The following PPP1R42 variants were observed in gnomAD, a reference collection of about 807,000 sequenced individuals.
PPP1R42 encodes the protein protein phosphatase 1 regulatory subunit 42.
A neutral mutation model predicts 31.0 loss-of-function variants in PPP1R42; 34 were observed. The ratio of observed to expected loss-of-function variants is 1.10; its 90% CI spans 0.83 to 1.46. The LOEUF (loss-of-function observed/expected upper bound fraction) is 1.46. Among genes scored for constraint, PPP1R42 ranks in the 40% most tolerant of loss-of-function variants. The probability of loss-of-function intolerance (pLI) is 0.00; values close to 1 mark genes in which losing one functional copy is unlikely to be tolerated. For missense variants in PPP1R42, 268 were observed against 303.0 expected (o/e 0.88, Z 0.86); for synonymous variants, 103 against 109.8 (o/e 0.94, Z 0.39).
At chr8:67,026,429 ATTTG>A (rs1228170033) in intron 1 of PPP1R42, among the ~76,000 whole-genome samples, 2 of 152,162 alleles carry the variant, frequency 1.3e-5, no homozygotes, top group Non-Finnish European at 2.9e-5. Flanking sequence ...CTGTAAAAAC[ATTTG>A]TTTGTACAGC....
intron 5 of PPP1R42, among the ~76,000 whole-genome samples, chr8:66,994,098 G>A (rs572151649): frequency 5.4e-4 from 82 of 152,310 alleles, no homozygotes; most frequent in Non-Finnish European, 5.7e-4. Context: ...AGGAATAGCA[G>A]AGATGAAGGC....
intron 5 of PPP1R42, among the ~76,000 whole-genome samples, chr8:67,008,148 C>T (rs936895973): frequency 6.6e-6 from 1 of 151,886 alleles, no homozygotes; most frequent in East Asian, 1.9e-4. Context: ...TGTGAGCCAC[C>T]GCGCCCAGCC....
chr8:66,995,886 C>T (rs1421263145), intron 5 of PPP1R42, among the ~76,000 whole-genome samples: 1 of 152,108 alleles, frequency 6.6e-6, no homozygotes, highest in African/African-American at 2.4e-5. Flanking sequence ...ATAACAATGG[C>T]TATTTTTGAT....
chr8:67,026,910 T>C (rs2129537325), intron 1 of PPP1R42: 1 of 151,544 alleles, frequency 6.6e-6, no homozygotes, highest in African/African-American at 2.4e-5. Flanking sequence ...TTTTTTTTTT[T>C]TTTTTCCTGA....
chr8:66,997,714 T>A lies in PPP1R42; in HGVS notation c.553-9197A>T, dbSNP rs1322962456. On this transcript the variant is annotated intron_variant, in intron 5 of 7. Transcript: ENST00000685739. ...GGCCACCATTCCCAGCTAATTTTTT[T>A]TAAAAAAAAAAACACCTTTTAGAGG... Among the ~76,000 whole-genome samples, 16 of 151,308 alleles carry A rather than the reference T, an allele frequency of 1.1e-4. 1 individual carries two copies. Among genetic ancestry groups the A allele is most frequent in the Admixed American group, 3.9e-4 (6 of 15,190 alleles).
At chr8:67,017,266 CAGAAGTCTGAGCTCA>C (rs1032382290) in intron 2 of PPP1R42, among the ~76,000 whole-genome samples, 6 of 152,038 alleles carry the variant, frequency 3.9e-5, no homozygotes, top group Non-Finnish European at 8.8e-5. Context: ...TTCTTGAGCT[CAGAAGTCTGAGCTCA>C]AGAACTCAAC....
intron 7 of PPP1R42, among the ~76,000 whole-genome samples, chr8:66,979,321 C>T (rs181778355): frequency 3.9e-5 from 6 of 152,102 alleles, no homozygotes; most frequent in South Asian, 4.1e-4. Context: ...TAGCTTGAGC[C>T]GAGGATTTCA....
intron 5 of PPP1R42, among the ~76,000 whole-genome samples, chr8:66,997,532 C>G (rs1175304193): frequency 3.4e-5 from 5 of 148,678 alleles, no homozygotes; most frequent in African/African-American, 5.0e-5. Flanking sequence ...ATGTGAGCCA[C>G]TGTGCCTGGC....
intron 1 of PPP1R42, among the ~76,000 whole-genome samples, chr8:67,019,125 T>G (rs1235840182): frequency 1.4e-5 from 2 of 144,278 alleles, no homozygotes; most frequent in Non-Finnish European, 3.1e-5. Flanking sequence ...CATGAGCCAC[T>G]GCGCCCGAGC....
At position 67,017,647 on chromosome 8, in the gene PPP1R42, T is replaced by A; in HGVS notation, c.101A>T (p.Asn34Ile). Reference sequence around the variant, plus strand: ...TGCATCTATATTTTTGTCTGAAAAATTTATATGAGTTATTTTCTTCAGGCA... The same window carrying A: ...TGCATCTATATTTTTGTCTGAAAAAATTATATGAGTTATTTTCTTCAGGCA... ...SQCLKKITHI[N>I]FSDKNIDAIE... The change falls in exon 2 of 8, where the codon AAT becomes ATT. Residue 34 changes from asparagine to isoleucine, a missense_variant. Asn to Ile is a moderately radical substitution (Grantham distance 149, BLOSUM62 -3). Transcript: ENST00000685739. 6.4e-7 allele frequency: 1 copy of A among 1,568,070 alleles called. No homozygotes were observed.
At chr8:67,010,918 A>C in intron 4 of PPP1R42, 87 bp from the exon 5 acceptor site, 1 of 1,273,890 alleles carries the variant, frequency 7.8e-7, no homozygotes, top group Non-Finnish European at 1.1e-6. Context: ...GAAAAGTTTA[A>C]GCTTGATCAG....
intron 7 of PPP1R42, among the ~76,000 whole-genome samples, chr8:66,979,272 A>G (rs1460003161): frequency 6.6e-6 from 1 of 152,104 alleles, no homozygotes; most frequent in Non-Finnish European, 1.5e-5. Context: ...CTGCATATGG[A>G]TATCCAGTTT....
intron 1 of PPP1R42, among the ~76,000 whole-genome samples, chr8:67,020,370 T>G (rs1816176892): frequency 6.6e-6 from 1 of 152,092 alleles, no homozygotes; most frequent in Non-Finnish European, 1.5e-5. Context: ...CCGGCTAATT[T>G]TTGTATTTTT....
At chr8:66,977,044 T>C (rs1315349734) in intron 7 of PPP1R42, among the ~76,000 whole-genome samples, 1 of 151,832 alleles carries the variant, frequency 6.6e-6, no homozygotes, top group African/African-American at 2.4e-5. Flanking sequence ...TTGCTTTTTT[T>C]TTTTTTTTAG....
At chr8:67,022,868 T>G (rs1206022811) in intron 1 of PPP1R42, among the ~76,000 whole-genome samples, 2 of 152,170 alleles carry the variant, frequency 1.3e-5, no homozygotes, top group African/African-American at 4.8e-5. Context: ...TGGGTTATTC[T>G]TGGTCCTTGA....
At chr8:66,994,604 A>G (rs1563422397) in intron 5 of PPP1R42, among the ~76,000 whole-genome samples, 1 of 152,208 alleles carries the variant, frequency 6.6e-6, no homozygotes, top group Non-Finnish European at 1.5e-5. Context: ...TTGATGGAAC[A>G]AGACTACAAG....
chr8:66,987,946 G>A (rs142992876), intron 6 of PPP1R42, among the ~76,000 whole-genome samples: 3 of 152,140 alleles, frequency 2.0e-5, no homozygotes, highest in African/African-American at 7.2e-5. Context: ...AAAGGGTCTC[G>A]TCACCCAGCT....
intron 7 of PPP1R42, among the ~76,000 whole-genome samples, chr8:66,975,795 C>T (rs1017165597): frequency 1.3e-5 from 2 of 152,122 alleles, no homozygotes; most frequent in Admixed American, 6.5e-5. Context: ...TGTTGCAATA[C>T]ATATAATGTA....
Position 67,010,734 on chromosome 8 carries a change from T to C in PPP1R42, c.533A>G (p.Asn178Ser), listed in dbSNP as rs1269451967. 3 of 1,601,388 alleles carry C rather than the reference T, an allele frequency of 1.9e-6. No individual in the cohort carries two copies. In the East Asian group the frequency reaches 6.7e-5, roughly 36 times the overall value. ...ENLNQLIAVD[N>S]QLLHVKDLEF... is the part of the protein sequence containing the mutation. ...CACTACCTTCACATGCAGAAGTTGG[T>C]TGTCAACGGCTATGAGCTGATTAAG... The change falls in exon 5 of 8, where the codon AAC becomes AGC. Residue 178 changes from asparagine (N) to serine (S), a missense_variant. Transcript: ENST00000685739.
Sources: gnomAD v4.1 joint callset for allele counts (sites outside exome capture counted in the v4.1 genomes callset) on GRCh38, gnomAD v4.1.1 for gene constraint, MANE v1.5 for transcripts, NCBI Gene and HGNC (gene_info 2026-07-23, HGNC 2026-07-21) for gene names.